GRIN3A: variants seen among roughly 807,000 people sequenced by gnomAD.
GRIN3A encodes the protein glutamate ionotropic receptor NMDA type subunit 3A.
Under a neutral mutation model 92.4 loss-of-function variants are expected in GRIN3A, and 47 were observed. The ratio of observed to expected loss-of-function variants is 0.51; its 90% CI spans 0.40 to 0.65. The LOEUF is 0.65. GRIN3A is among the 30% of genes least tolerant of loss of function. The pLI, the probability that GRIN3A is intolerant of heterozygous loss-of-function variation, is 0.00. For missense variants in GRIN3A, 1,324 were observed against 1,393.1 expected, an observed-to-expected ratio of 0.95 and a Z score of 0.79; for synonymous variants, 527 against 540.6, an observed-to-expected ratio of 0.97 and a Z score of 0.35.
chr9:101,605,534 C>T (rs1828269002), intron 6 of GRIN3A, among the ~76,000 whole-genome samples: 1 of 152,174 alleles, frequency 6.6e-6, no homozygotes, highest in Non-Finnish European at 1.5e-5. Flanking sequence ...TAATAGACAT[C>T]TTCACTCCAT....
intron 2 of GRIN3A, among the ~76,000 whole-genome samples, chr9:101,675,410 A>C (rs1418892420): frequency 2.0e-5 from 3 of 151,958 alleles, no homozygotes; most frequent in Non-Finnish European, 4.4e-5. Flanking sequence ...CCATATTTGC[A>C]TGCAAAATGT....
At chr9:101,614,268 C>T (rs1319147050) in intron 5 of GRIN3A, among the ~76,000 whole-genome samples, 2 of 152,050 alleles carry the variant, frequency 1.3e-5, no homozygotes, top group Non-Finnish European at 2.9e-5. Flanking sequence ...GAGTCCATTC[C>T]CAAAGATCTC....
chr9:101,701,799 AT>A, intron 1 of GRIN3A, among the ~76,000 whole-genome samples: 1 of 152,284 alleles, frequency 6.6e-6, no homozygotes, highest in East Asian at 1.9e-4. Context: ...CAAACTTTCA[AT>A]TATATAGATG....
intron 1 of GRIN3A, among the ~76,000 whole-genome samples, chr9:101,711,661 G>A (rs1829880746): frequency 6.6e-6 from 1 of 152,070 alleles, no homozygotes; most frequent in African/African-American, 2.4e-5. Flanking sequence ...CATCACCCCA[G>A]CAATACTTCT....
intron 3 of GRIN3A, among the ~76,000 whole-genome samples, chr9:101,657,209 C>T (rs1829101216): frequency 6.6e-6 from 1 of 151,870 alleles, no homozygotes; most frequent in African/African-American, 2.4e-5. Context: ...TCTTTATATT[C>T]TAGTGGTGAG....
intron 3 of GRIN3A, among the ~76,000 whole-genome samples, chr9:101,642,220 A>G (rs1166791397): frequency 1.3e-5 from 2 of 152,156 alleles, no homozygotes; most frequent in Non-Finnish European, 2.9e-5. Context: ...GGAATACACA[A>G]TAGTGAAAGG....
At chr9:101,679,929 A>G (rs1176901615) in intron 2 of GRIN3A, among the ~76,000 whole-genome samples, 1 of 152,242 alleles carries the variant, frequency 6.6e-6, no homozygotes, top group Non-Finnish European at 1.5e-5. Context: ...AAATTACTGT[A>G]TGCAGATGCG....
intron 8 of GRIN3A, among the ~76,000 whole-genome samples, chr9:101,577,302 C>G (rs1366096053): frequency 6.6e-6 from 1 of 152,052 alleles, no homozygotes; most frequent in Non-Finnish European, 1.5e-5. Context: ...AATTAATTGC[C>G]TGCGGTATTC....
Position 101,670,379 on chromosome 9 carries a change from C to T in GRIN3A, c.2033G>A (p.Trp678Ter). ...GTGCAGAGCCACAAAAATCCCCAGC[C>T]ACATTGTCCAGTGGAGTGGCCACAT... Reference protein sequence around the residue: ...AFMWPLHWTMWLGIFVALHIT... With the variant: ...AFMWPLHWTM The change falls in exon 3 of 9, where the codon TGG becomes TAG. Residue 678 changes from tryptophan (W) to a stop codon, truncating the protein, a stop_gained. Coordinates refer to ENST00000361820, the MANE Select transcript of GRIN3A (RefSeq NM_133445.3). LOFTEE classifies it high-confidence loss of function. 2.5e-6 allele frequency: 4 copies of T among 1,614,012 alleles called. No individual in the cohort carries two copies. The highest frequency in any genetic ancestry group is 3.4e-6 in the Non-Finnish European group (4 of 1,179,954).
Position 101,613,490 on chromosome 9 carries a change from G to A in GRIN3A, c.2652C>T (p.Thr884=), listed in dbSNP as rs764775704. Residue 884 remains threonine, a synonymous_variant, in exon 6 of 9, where the codon ACC becomes ACT. Transcript: ENST00000361820. ...GACTGATTAGCTCGGATATGTTGGC[G>A]GTCAATGGAGAGTTGGGTGGGAGGC... ...GIGLPPNSPL[T]ANISELISQY... 22 of 1,613,986 alleles carry A rather than the reference G, an allele frequency of 1.4e-5. No individual in the cohort carries two copies. Among genetic ancestry groups the A allele is most frequent in the Middle Eastern group, 3.3e-4 (2 of 6,084 alleles).
intron 7 of GRIN3A, 74 bp downstream of exon 7, chr9:101,579,122 A>C: frequency 6.7e-7 from 1 of 1,485,744 alleles, no homozygotes; most frequent in Non-Finnish European, 9.4e-7. Context: ...AGTCTGACAT[A>C]GGGCTCTGGA....
At chr9:101,590,506 C>T (rs866268754) in intron 6 of GRIN3A, among the ~76,000 whole-genome samples, 11 of 152,010 alleles carry the variant, frequency 7.2e-5, no homozygotes, top group African/African-American at 2.4e-4. Context: ...CTCAGCCTTC[C>T]GAGTAGCTGG....
intron 8 of GRIN3A, among the ~76,000 whole-genome samples, 183 bp from the exon 9 acceptor site, chr9:101,573,696 C>G (rs1336534864): frequency 6.8e-6 from 1 of 147,950 alleles, no homozygotes; most frequent in Non-Finnish European, 1.5e-5. Context: ...CATGAACATA[C>G]AAAAGTTCAA....
intron 8 of GRIN3A, among the ~76,000 whole-genome samples, 191 bp from the exon 9 acceptor site, chr9:101,573,704 C>T (rs566876394): frequency 6.7e-6 from 1 of 149,618 alleles, no homozygotes; most frequent in South Asian, 2.1e-4. Flanking sequence ...TACAAAAGTT[C>T]AAGTCCCATG....
At chr9:101,707,769 G>T (rs531391441) in intron 1 of GRIN3A, among the ~76,000 whole-genome samples, 5 of 152,284 alleles carry the variant, frequency 3.3e-5, no homozygotes, top group East Asian at 1.9e-4. Context: ...TAGGATTTGG[G>T]ATTAGTGGAT....
intron 1 of GRIN3A, among the ~76,000 whole-genome samples, chr9:101,729,335 T>A (rs912891708): frequency 1.3e-5 from 2 of 152,290 alleles, no homozygotes; most frequent in Middle Eastern, 3.4e-3. Context: ...TAGTCTGAAA[T>A]ATGTTTTGCT....
At chr9:101,733,215 A>G (rs1487989435) in intron 1 of GRIN3A, among the ~76,000 whole-genome samples, 1 of 152,214 alleles carries the variant, frequency 6.6e-6, no homozygotes, top group Admixed American at 6.5e-5. Flanking sequence ...TTCTTCATGG[A>G]TTAAGTGATA....
chr9:101,722,246 A>G (rs533336276), intron 1 of GRIN3A, among the ~76,000 whole-genome samples: 1 of 152,372 alleles, frequency 6.6e-6, no homozygotes, highest in African/African-American at 2.4e-5. Context: ...CTGTGGGTAC[A>G]CTGAAGTCAA....
chr9:101,672,647 G>A (rs918632744), intron 2 of GRIN3A, among the ~76,000 whole-genome samples: 6 of 152,084 alleles, frequency 3.9e-5, no homozygotes, highest in African/African-American at 1.2e-4. Flanking sequence ...AAGGGACATA[G>A]AAAAATCAGA....
Sources: gnomAD v4.1 joint callset for allele counts (sites outside exome capture counted in the v4.1 genomes callset) on GRCh38, gnomAD v4.1.1 for gene constraint, MANE v1.5 for transcripts, NCBI Gene and HGNC (gene_info 2026-07-23, HGNC 2026-07-21) for gene names.